Variants in OSBPL6 observed in about 807,000 individuals in gnomAD.
OSBPL6 encodes the protein oxysterol binding protein like 6.
In OSBPL6, 49 loss-of-function variants were observed where a neutral mutation model predicts 125.8. The observed-to-expected ratio is 0.39, with a 90% confidence interval of 0.31 to 0.49. OSBPL6 has a LOEUF of 0.49. Ranked by LOEUF, OSBPL6 falls within the 20% of genes least tolerant of loss-of-function variation. The pLI, the probability that OSBPL6 is intolerant of heterozygous loss-of-function variation, is 0.88. For missense variants in OSBPL6, 986 were observed against 1,135.4 expected (o/e 0.87, Z 1.89); for synonymous variants, 394 against 391.8 (o/e 1.01, Z -0.07).
intron 1 of OSBPL6, among the ~76,000 whole-genome samples, chr2:178,222,459 C>T (rs190194125): frequency 2.6e-5 from 4 of 152,234 alleles, no homozygotes; most frequent in East Asian, 1.9e-4. Context: ...CCTGCTAACA[C>T]GGTGAAACCC....
Position 178,250,958 on chromosome 2 carries a change from T to TA in OSBPL6, c.-350-33956dup, listed in dbSNP as rs74763068. Among the ~76,000 whole-genome samples the TA allele has an allele frequency of 1.3e-3, 178 of 135,598 alleles. 1 individual carries two copies. The highest frequency in any genetic ancestry group is 8.6e-3 in the East Asian group (41 of 4,740). 89.0% of individuals were successfully genotyped at this position (135,598 alleles called of 152,430 possible). On this transcript the variant is annotated intron_variant, in intron 1 of 24. Transcript: ENST00000190611. ...GGTAGACATTCATCAAATATTGGAA[T>TA]AAAAAAAAAAAAAGAAAAGAAAGTG...
chr2:178,395,667 A>G lies in OSBPL6; in HGVS notation c.*108A>G. On this transcript the variant is annotated 3_prime_UTR_variant, in exon 25 of 25. Transcript: ENST00000190611. ...TGGTTTCTGGGTCAACTGAAAACCT[A>G]CCATTTGCTTTTCTATTCATCTTTA... 1.2e-6 allele frequency: 1 copy of G among 817,054 alleles called. No homozygotes were observed. Among genetic ancestry groups the G allele is most frequent in the South Asian group, 1.6e-5 (1 of 63,434 alleles). The allele number at this position is 817,054 out of a possible 1,614,324, so 50.6% of individuals were successfully genotyped here. A position where few individuals can be genotyped will look rare whatever the true frequency, so the allele number is the denominator to read the frequency against.
At chr2:178,355,890 C>T (rs1434615111) in intron 12 of OSBPL6, among the ~76,000 whole-genome samples, 2 of 151,928 alleles carry the variant, frequency 1.3e-5, no homozygotes, top group African/African-American at 2.4e-5. Flanking sequence ...TTATCCACCA[C>T]GATCAAGTCA....
intron 1 of OSBPL6, among the ~76,000 whole-genome samples, chr2:178,240,781 C>T (rs1348211164): frequency 2.0e-5 from 3 of 152,034 alleles, no homozygotes; most frequent in Non-Finnish European, 2.9e-5. Context: ...AGCTGAGAAC[C>T]ATTCACATAA....
chr2:178,261,200 A>G (rs955070371), intron 1 of OSBPL6, among the ~76,000 whole-genome samples: 2 of 152,184 alleles, frequency 1.3e-5, no homozygotes, highest in Non-Finnish European at 2.9e-5. Context: ...GCTTATCTAT[A>G]TAAAGTTTAA....
rs112445034 is a variant in OSBPL6, at chr2:178,246,427, C to T, written c.-350-38500C>T. 5.3e-3 allele frequency among the ~76,000 whole-genome samples: 811 copies of T among 152,270 alleles called. 13 individuals are homozygous for T. Among genetic ancestry groups the T allele is most frequent in the African/African-American group, 0.019 (774 of 41,562 alleles). The stretch of plus-strand genomic sequence containing the variant: ...TGTGACTTCCAGTGCCCTTCCTCCA[C>T]TCCTACTCCTTCAGCATTGAAGTTG... On this transcript the variant is annotated intron_variant, in intron 1 of 24. Transcript: ENST00000190611.
chr2:178,203,638 T>C (rs1269904328), intron 1 of OSBPL6, among the ~76,000 whole-genome samples: 3 of 152,208 alleles, frequency 2.0e-5, no homozygotes, highest in African/African-American at 7.2e-5. Flanking sequence ...ATGCTAAATA[T>C]TGGGAATTTT....
intron 21 of OSBPL6, 85 bp downstream of exon 21, chr2:178,389,238 C>A: frequency 1.5e-6 from 2 of 1,315,780 alleles, no homozygotes; most frequent in Non-Finnish European, 2.1e-6. Flanking sequence ...TAAATAGCAG[C>A]AAGTGAATCT....
chr2:178,365,439 GTC>G (rs1282888643), intron 13 of OSBPL6, among the ~76,000 whole-genome samples: 1 of 152,180 alleles, frequency 6.6e-6, no homozygotes, highest in Non-Finnish European at 1.5e-5. Flanking sequence ...AGGCTGGACA[GTC>G]TAATGAATTG....
At chr2:178,351,205 C>T (rs1168556769) in intron 12 of OSBPL6, among the ~76,000 whole-genome samples, 2 of 152,130 alleles carry the variant, frequency 1.3e-5, no homozygotes, top group Non-Finnish European at 2.9e-5. Context: ...GCCCACTCCT[C>T]CTGCTTCTGT....
At chr2:178,346,388 C>T (rs1173670755) in intron 11 of OSBPL6, among the ~76,000 whole-genome samples, 3 of 152,128 alleles carry the variant, frequency 2.0e-5, no homozygotes, top group Admixed American at 2.0e-4. Flanking sequence ...ACTGTGTAGA[C>T]TTTCATGTCT....
rs1023219439 is a variant in OSBPL6 at position 178,314,916 on chromosome 2, G to C, written c.102+8630G>C. On this transcript the variant is annotated intron_variant, in intron 3 of 24. Transcript: ENST00000190611. ...GATGTCCAGGCCTCCTGTATACTTT[G>C]AAGTGAACCTTGTAGGCAGCATTTG... Among the ~76,000 whole-genome samples the C allele has an allele frequency of 3.9e-5, 6 of 152,318 alleles. 1 individual carries two copies. Among genetic ancestry groups the C allele is most frequent in the Admixed American group, 3.9e-4 (6 of 15,294 alleles).
At chr2:178,250,970 A>G (rs900140030) in intron 1 of OSBPL6, among the ~76,000 whole-genome samples, 13 of 152,166 alleles carry the variant, frequency 8.5e-5, no homozygotes, top group South Asian at 6.2e-4. Context: ...AAAAAAAAAA[A>G]AGAAAAGAAA....
intron 3 of OSBPL6, among the ~76,000 whole-genome samples, chr2:178,310,250 T>C (rs937789894): frequency 1.3e-5 from 2 of 152,126 alleles, no homozygotes; most frequent in African/African-American, 4.8e-5. Flanking sequence ...TCAATACTTA[T>C]TTATGTTGAC....
chr2:178,222,761 G>C (rs796808646), intron 1 of OSBPL6, among the ~76,000 whole-genome samples: 39 of 152,276 alleles, frequency 2.6e-4, no homozygotes, highest in African/African-American at 8.7e-4. Context: ...ACAGGGCAGA[G>C]AGAAATAAGA....
chr2:178,281,844 C>T (rs1306030503), intron 1 of OSBPL6, among the ~76,000 whole-genome samples: 3 of 152,062 alleles, frequency 2.0e-5, no homozygotes, highest in Admixed American at 6.6e-5. Context: ...ATAGCTAATG[C>T]ATGTGGGGCT....
chr2:178,311,534 A>G (rs1338759288), intron 3 of OSBPL6, among the ~76,000 whole-genome samples: 2 of 152,208 alleles, frequency 1.3e-5, no homozygotes, highest in Non-Finnish European at 1.5e-5. Context: ...ATTTCACTCA[A>G]TAATGTATTC....
intron 1 of OSBPL6, among the ~76,000 whole-genome samples, chr2:178,199,627 C>G (rs1427063633): frequency 6.8e-6 from 1 of 148,038 alleles, no homozygotes; most frequent in African/African-American, 2.5e-5. Flanking sequence ...AAAACTAATG[C>G]TATTAAGGGG....
In OSBPL6 at chr2:178,339,727, C is replaced by A; in HGVS notation, c.950C>A (p.Thr317Lys). 1 of 1,604,730 alleles carries A rather than the reference C, an allele frequency of 6.2e-7. No individual in the cohort carries two copies. Among genetic ancestry groups the A allele is most frequent in the East Asian group, 2.3e-5 (1 of 44,176 alleles). The change falls in exon 11 of 25, where the codon ACA (threonine) becomes AAA (lysine). Residue 317 changes from threonine (T) to lysine (K), a missense_variant. By Grantham distance (78) the Thr-to-Lys change is moderately conservative. Coordinates refer to ENST00000190611, the MANE Select transcript of OSBPL6 (RefSeq NM_032523.4). Reference sequence around the variant, plus strand: ...AAGCGGGTCACAAGACGATGGAGAACAAAAAGTGTCAGCAAAGATACAAAA... The same window carrying A: ...AAGCGGGTCACAAGACGATGGAGAAAAAAAAGTGTCAGCAAAGATACAAAA... ...KDKRVTRRWR[T>K]KSVSKDTKIQ...
Sources: allele counts gnomAD v4.1 joint callset (sites outside exome capture counted in the v4.1 genomes callset), GRCh38; gene constraint gnomAD v4.1.1; transcripts MANE v1.5; gene names NCBI Gene and HGNC (gene_info 2026-07-23, HGNC 2026-07-21).